SACS: variants seen among roughly 807,000 people sequenced by gnomAD.
SACS encodes sacsin molecular chaperone, also known as sacsin.
A neutral mutation model predicts 348.0 loss-of-function variants in SACS; 197 were observed. That is an observed-to-expected ratio of 0.57 (90% CI 0.50 to 0.64). SACS has a LOEUF of 0.64. SACS is among the 30% of genes least tolerant of loss of function. The pLI is 0.00. For synonymous variants in SACS, 1,985 were observed against 1,910.6 expected (o/e 1.04, Z -1.02); for missense variants, 4,999 against 5,360.8 (o/e 0.93, Z 2.11).
In SACS at chr13:23,365,294, C is replaced by G. The variant is rs1417113507; in HGVS notation, c.346-17G>C. ...AATTAATTCCTAACCAAAAAATATACCAAAAAATAGTAATTAATAACACAG... is the reference window on the plus strand; with the variant it reads ...AATTAATTCCTAACCAAAAAATATAGCAAAAAATAGTAATTAATAACACAG... On this transcript the variant is annotated splice_polypyrimidine_tract_variant and intron_variant, in intron 5 of 9. Coordinates refer to ENST00000382292, the MANE Select transcript of SACS (RefSeq NM_014363.6). The G allele has an allele frequency of 7.1e-7, 1 of 1,408,636 alleles. No individual in the cohort carries two copies. Among genetic ancestry groups the G allele is most frequent in the Admixed American group, 1.9e-5 (1 of 52,868 alleles). 87.3% of individuals were successfully genotyped at this position (1,408,636 alleles called of 1,614,324 possible).
In SACS at chr13:23,336,956, CCAT is replaced by C. The variant is rs1306411226; in HGVS notation, c.6917_6919del (p.Asp2306del). The C allele has an allele frequency of 1.9e-6, 3 of 1,613,802 alleles. No homozygotes were observed. The highest frequency in any genetic ancestry group is 2.2e-5 in the East Asian group (1 of 44,878). On this transcript the variant is annotated inframe_deletion, in exon 10 of 10. Transcript: ENST00000382292. The stretch of plus-strand genomic sequence containing the variant: ...GATATTCTCCTGGTACAGTGTAATT[CCAT>C]CATCAACTGATTTTGCTACTTCTTT...
chr13:23,360,155 G>A (rs771808314), intron 6 of SACS, among the ~76,000 whole-genome samples: 1 of 151,916 alleles, frequency 6.6e-6, no homozygotes, highest in Non-Finnish European at 1.5e-5. Context: ...ACAAATACGG[G>A]GCTCAGCATA....
Position 23,365,279 on chromosome 13 carries a change from TAACCAAAAAATA to T in SACS, c.346-14_346-3del, listed in dbSNP as rs1566086310. 1 of 1,562,414 alleles carries T rather than the reference TAACCAAAAAATA, an allele frequency of 6.4e-7. No individual in the cohort carries two copies. The highest frequency in any genetic ancestry group is 8.8e-7 in the Non-Finnish European group (1 of 1,141,604). On this transcript the variant is annotated splice_region_variant and splice_polypyrimidine_tract_variant and intron_variant, in intron 5 of 9. Transcript: ENST00000382292. ...ATCTTCTGCATTCTGAATTAATTCC[TAACCAAAAAATA>T]TACCAAAAAATAGTAATTAATAACA...
At chr13:23,414,361 T>G (rs1308633677) in intron 1 of SACS, among the ~76,000 whole-genome samples, 1 of 152,118 alleles carries the variant, frequency 6.6e-6, no homozygotes, top group African/African-American at 2.4e-5. Flanking sequence ...ACATGCAGGT[T>G]TTATATGATA....
rs748550044 is a variant in SACS at position 23,329,250 on chromosome 13, G to A, written c.*886C>T. The A allele has an allele frequency of 3.9e-6, 2 of 513,554 alleles. No homozygotes were observed. Among genetic ancestry groups the A allele is most frequent in the Non-Finnish European group, 6.9e-6 (2 of 291,918 alleles). 31.8% of individuals were successfully genotyped at this position (513,554 alleles called of 1,614,324 possible). A position where few individuals can be genotyped will look rare whatever the true frequency, so the allele number is the denominator to read the frequency against. On this transcript the variant is annotated 3_prime_UTR_variant, in exon 10 of 10. Transcript: ENST00000382292. ...ACTACATGCCATATTGAAAGAAAAG[G>A]TTGTTTTTTTTTTAACTGCAGCACC...
chr13:23,330,076 AC>A lies in SACS; in HGVS notation c.*59del. ...AATTGGCAATGAAGCTTAATGAAGT[AC>A]AGCAATTTATTCGTGCTACAACACA... is the stretch of plus-strand genomic sequence containing the variant. On this transcript the variant is annotated 3_prime_UTR_variant, in exon 10 of 10. Transcript: ENST00000382292. 1 of 1,440,714 alleles carries A rather than the reference AC, an allele frequency of 6.9e-7. No individual in the cohort carries two copies. The allele number at this position is 1,440,714 out of a possible 1,614,324, so 89.2% of individuals were successfully genotyped here.
In SACS at chr13:23,335,017, C is replaced by T. The variant is rs769574420; in HGVS notation, c.8859G>A (p.Lys2953=). 3 of 1,613,656 alleles carry T rather than the reference C, an allele frequency of 1.9e-6. No homozygotes were observed. Among genetic ancestry groups the T allele is most frequent in the Non-Finnish European group, 2.5e-6 (3 of 1,179,740 alleles). Residue 2953 remains lysine (K), a synonymous_variant, in exon 10 of 10, where the codon AAG becomes AAA. Coordinates refer to ENST00000382292, the MANE Select transcript of SACS (RefSeq NM_014363.6). The surrounding 1 kb of genome is among the most constrained non-coding windows in gnomAD (Gnocchi z 4.7). ...VLQNTPIHVV[K]DTLKKFLSFF... ...ACGATAAAAACTTCTTTAAAGTGTC[C>T]TTTACAACATGAATAGGGGTGTTCT...
intron 2 of SACS, among the ~76,000 whole-genome samples, chr13:23,381,685 A>G (rs185344826): frequency 2.0e-5 from 3 of 152,260 alleles, no homozygotes; most frequent in Admixed American, 1.3e-4. Context: ...GAGAAACATG[A>G]GTTTATTTAT....
chr13:23,423,732 T>C (rs1874049429), intron 1 of SACS, among the ~76,000 whole-genome samples: 1 of 149,864 alleles, frequency 6.7e-6, no homozygotes, highest in African/African-American at 2.4e-5. Context: ...TCAGAAGCTA[T>C]TAGGCCTATA....
intron 1 of SACS, among the ~76,000 whole-genome samples, chr13:23,420,419 C>T (rs144467096): frequency 6.7e-6 from 1 of 149,290 alleles, no homozygotes; most frequent in African/African-American, 2.5e-5. Context: ...TAAATCTGGG[C>T]ACTAAAGTCT....
At chr13:23,353,702 G>C in intron 9 of SACS, 83 bp downstream of exon 9, 1 of 754,118 alleles carries the variant, frequency 1.3e-6, no homozygotes, top group Non-Finnish European at 2.2e-6. Flanking sequence ...TGATTTATAG[G>C]TCTAAAATGA....
chr13:23,350,164 A>G (rs997050377), intron 9 of SACS, among the ~76,000 whole-genome samples: 15 of 152,236 alleles, frequency 9.9e-5, no homozygotes, highest in Admixed American at 2.6e-4. Flanking sequence ...TAAAAGAAAC[A>G]GAAAAATCCA....
intron 1 of SACS, among the ~76,000 whole-genome samples, chr13:23,432,489 A>C (rs952202965): frequency 6.6e-6 from 1 of 152,126 alleles, no homozygotes; most frequent in African/African-American, 2.4e-5. Flanking sequence ...TCACAGCCCA[A>C]AGTGAGGCTT....
At chr13:23,381,243 C>G (rs536963686) in intron 2 of SACS, among the ~76,000 whole-genome samples, 1 of 152,054 alleles carries the variant, frequency 6.6e-6, no homozygotes, top group East Asian at 1.9e-4. Flanking sequence ...AAAGATCATG[C>G]GCAGTGCTCA....
At chr13:23,418,312 T>C (rs1873769035) in intron 1 of SACS, among the ~76,000 whole-genome samples, 1 of 152,188 alleles carries the variant, frequency 6.6e-6, no homozygotes, top group Admixed American at 6.5e-5. Context: ...ACAAAGACTA[T>C]CTCTGCTTGT....
At chr13:23,394,671 T>C (rs1872645488) in intron 2 of SACS, among the ~76,000 whole-genome samples, 2 of 152,146 alleles carry the variant, frequency 1.3e-5, no homozygotes, top group Admixed American at 6.5e-5. Context: ...TTGGCCAACA[T>C]GGTGAAACCC....
In SACS at chr13:23,341,538, T is replaced by G. The variant is rs767114582; in HGVS notation, c.2338A>C (p.Lys780Gln). 4.3e-6 allele frequency: 7 copies of G among 1,613,956 alleles called. No homozygotes were observed. Residue 780 changes from lysine to glutamine, a missense_variant, in exon 10 of 10, where the codon AAG becomes CAG. Around this residue, in one of 6 missense-constraint regions of SACS, gnomAD observed 3,156 missense variants for 3,380.1 expected, o/e 0.93. Transcript: ENST00000382292. ...ATATAAAGATTTTTCCAAACCATCT[T>G]AAGCCATGAAACAGATGGGTGATTT... ...NRNHPSVSWL[K>Q]MVWKNLYIHF...
intron 2 of SACS, 73 bp from the exon 3 acceptor site, chr13:23,375,342 C>T (rs934930696): frequency 8.3e-6 from 11 of 1,321,704 alleles, no homozygotes; most frequent in African/African-American, 4.6e-5. Flanking sequence ...GCGGCCTCCA[C>T]CCGCGTTACC....
chr13:23,346,888 C>T, intron 9 of SACS: 1 of 686,836 alleles, frequency 1.5e-6, no homozygotes, highest in Non-Finnish European at 1.8e-6. Flanking sequence ...TGTCAGTTTT[C>T]ACATGATGGC....
Sources: gnomAD v4.1 joint callset for allele counts (sites outside exome capture counted in the v4.1 genomes callset) on GRCh38, gnomAD v4.1.1 for gene constraint, gnomAD v4.1.1 regional missense constraint, Gnocchi (gnomAD v3.1) non-coding constraint, MANE v1.5 for transcripts, NCBI Gene and HGNC (gene_info 2026-07-23, HGNC 2026-07-21) for gene names.